The following PDE7B variants were observed in gnomAD, a reference collection of about 807,000 sequenced individuals.
PDE7B encodes the protein phosphodiesterase 7B.
In PDE7B, 29 loss-of-function variants were observed where a neutral mutation model predicts 56.2. The observed-to-expected ratio is 0.52, with a 90% CI of 0.38 to 0.70. PDE7B has a LOEUF of 0.70. Among genes scored for constraint, PDE7B ranks in the 30% least tolerant of loss-of-function variants. PDE7B has a pLI of 0.00. For synonymous variants in PDE7B, 197 were observed against 196.9 expected (o/e 1.00, Z 0.00); for missense variants, 490 against 565.0 (o/e 0.87, Z 1.35).
Position 135,947,515 on chromosome 6 carries a change from T to C in PDE7B, c.73T>C (p.Cys25Arg). 6.2e-7 allele frequency: 1 copy of C among 1,609,366 alleles called. No homozygotes were observed. The highest frequency in any genetic ancestry group is 8.5e-7 in the Non-Finnish European group (1 of 1,175,852). ...ENPDQNAKCV[C>R]MLGDIRLRGQ... ...CCCCGATCAGAATGCCAAATGTGTT[T>C]GCATGCTGGGTAAGAAGGCTTCTCA... Residue 25 changes from cysteine (C) to arginine (R), a missense_variant, in exon 2 of 13, where the codon TGC becomes CGC. Physicochemically the swap from Cys to Arg is radical, Grantham distance 180. Transcript: ENST00000308191.
At chr6:135,951,624 A>AT (rs1432857239) in intron 2 of PDE7B, among the ~76,000 whole-genome samples, 2 of 151,948 alleles carry the variant, frequency 1.3e-5, no homozygotes, top group African/African-American at 2.4e-5. Flanking sequence ...TGTATCTCCT[A>AT]TTTTTCTTAT....
intron 2 of PDE7B, among the ~76,000 whole-genome samples, chr6:136,091,880 T>C (rs1226777860): frequency 1.3e-5 from 2 of 152,120 alleles, no homozygotes; most frequent in Non-Finnish European, 2.9e-5. Context: ...ATGTTTGAAG[T>C]AAAAAGCAAT....
intron 3 of PDE7B, among the ~76,000 whole-genome samples, chr6:136,146,962 C>CAA (rs1778423393): frequency 6.6e-6 from 1 of 151,932 alleles, no homozygotes; most frequent in Non-Finnish European, 1.5e-5. Context: ...GGCAACATGG[C>CAA]AAAAACTTGT....
In PDE7B at chr6:135,851,890, TA is replaced by T; in HGVS notation, c.-107del. On this transcript the variant is annotated 5_prime_UTR_variant, in exon 1 of 13. Coordinates refer to ENST00000308191, the MANE Select transcript of PDE7B (RefSeq NM_018945.4). ...TTTTTTTGTTACTTAATTATATTCC[TA>T]ATCCTGGATGAAGTTGCTGGATTCT... 1 of 727,958 alleles carries T rather than the reference TA, an allele frequency of 1.4e-6. No individual in the cohort carries two copies. Among genetic ancestry groups the T allele is most frequent in the Non-Finnish European group, 2.5e-6 (1 of 406,076 alleles). The allele number at this position is 727,958 out of a possible 1,614,324, so 45.1% of individuals were successfully genotyped here. A position where few individuals can be genotyped will look rare whatever the true frequency, so the allele number is the denominator to read the frequency against.
intron 8 of PDE7B, among the ~76,000 whole-genome samples, chr6:136,161,344 G>A (rs1778701346): frequency 6.6e-6 from 1 of 152,008 alleles, no homozygotes; most frequent in South Asian, 2.1e-4. Flanking sequence ...TACATTTTTG[G>A]TCACCTAACT....
chr6:136,046,739 T>A (rs1198335728), intron 2 of PDE7B, among the ~76,000 whole-genome samples: 1 of 152,158 alleles, frequency 6.6e-6, no homozygotes, highest in Admixed American at 6.5e-5. Context: ...AATGTGCCCA[T>A]ATCTATAGAC....
At chr6:135,966,126 A>G (rs902917863) in intron 2 of PDE7B, among the ~76,000 whole-genome samples, 2 of 152,194 alleles carry the variant, frequency 1.3e-5, no homozygotes, top group Admixed American at 6.5e-5. Flanking sequence ...TCTAACATAG[A>G]AAGTTCAACT....
intron 8 of PDE7B, among the ~76,000 whole-genome samples, chr6:136,167,654 TACC>T (rs940885635): frequency 6.6e-6 from 1 of 152,220 alleles, no homozygotes; most frequent in Non-Finnish European, 1.5e-5. Context: ...ATACCATCTC[TACC>T]ACCACTAGTT....
intron 2 of PDE7B, among the ~76,000 whole-genome samples, chr6:136,051,029 T>G (rs1776616182): frequency 6.6e-6 from 1 of 152,084 alleles, no homozygotes; most frequent in Non-Finnish European, 1.5e-5. Context: ...GGCTTCTTCT[T>G]TTAAATCAGC....
chr6:136,178,264 T>C (rs9389375), intron 9 of PDE7B, among the ~76,000 whole-genome samples: 43,855 of 152,110 alleles, frequency 0.29, 7,285 homozygotes, highest in Middle Eastern at 0.42. Flanking sequence ...TCATTTTCTA[T>C]TTATTCATTA....
At chr6:135,971,695 A>G (rs552812313) in intron 2 of PDE7B, among the ~76,000 whole-genome samples, 11 of 152,282 alleles carry the variant, frequency 7.2e-5, no homozygotes, top group Non-Finnish European at 1.6e-4. Flanking sequence ...CCACTTACTC[A>G]TTGCATATGG....
intron 1 of PDE7B, among the ~76,000 whole-genome samples, chr6:135,852,308 T>TAA (rs906725762): frequency 6.8e-6 from 1 of 147,578 alleles, no homozygotes; most frequent in African/African-American, 2.5e-5. Flanking sequence ...AGGTGGTCTT[T>TAA]AAAAAAAAAA....
At chr6:135,856,223 T>A (rs901644362) in intron 1 of PDE7B, among the ~76,000 whole-genome samples, 12 of 152,258 alleles carry the variant, frequency 7.9e-5, no homozygotes, top group South Asian at 2.1e-4. Flanking sequence ...ATCACTCCCC[T>A]GAGACAGTCA....
chr6:136,055,920 A>G (rs578211549), intron 2 of PDE7B, among the ~76,000 whole-genome samples: 93 of 152,360 alleles, frequency 6.1e-4, no homozygotes, highest in South Asian at 2.1e-3. Flanking sequence ...GACACTGGAC[A>G]ATGATCCTGC....
chr6:135,900,212 T>C (rs2128191601), intron 1 of PDE7B, among the ~76,000 whole-genome samples: 1 of 152,252 alleles, frequency 6.6e-6, no homozygotes. Flanking sequence ...GGGGGCACAG[T>C]GAGCATGTTT....
intron 8 of PDE7B, among the ~76,000 whole-genome samples, chr6:136,156,696 G>A (rs1442991156): frequency 2.0e-5 from 3 of 152,160 alleles, no homozygotes; most frequent in Non-Finnish European, 4.4e-5. Flanking sequence ...GTACCATACA[G>A]ATATCTTCAG....
At chr6:136,050,801 T>G (rs779221182) in intron 2 of PDE7B, among the ~76,000 whole-genome samples, 9 of 152,198 alleles carry the variant, frequency 5.9e-5, no homozygotes, top group Non-Finnish European at 1.0e-4. Flanking sequence ...TCCCACCATT[T>G]GTTTTTCTTT....
At chr6:135,864,496 C>T (rs1435448979) in intron 1 of PDE7B, among the ~76,000 whole-genome samples, 3 of 152,048 alleles carry the variant, frequency 2.0e-5, no homozygotes, top group Non-Finnish European at 2.9e-5. Flanking sequence ...AATCCCCCTC[C>T]TCCTTACTTT....
At chr6:135,943,184 G>A (rs775141785) in intron 1 of PDE7B, among the ~76,000 whole-genome samples, 9 of 151,900 alleles carry the variant, frequency 5.9e-5, no homozygotes, top group South Asian at 2.1e-4. Context: ...CAATCTTATC[G>A]ACAATAATTT....
Sources: gnomAD v4.1 joint callset for allele counts (sites outside exome capture counted in the v4.1 genomes callset) on GRCh38, gnomAD v4.1.1 for gene constraint, MANE v1.5 for transcripts, NCBI Gene and HGNC (gene_info 2026-07-23, HGNC 2026-07-21) for gene names.